The following TM9SF3 variants were observed in gnomAD, a reference collection of about 807,000 sequenced individuals.
The protein encoded by TM9SF3 is SM-11044-binding protein.
TM9SF3 carries 14 observed loss-of-function variants against 78.6 expected under a neutral mutation model. The ratio of observed to expected loss-of-function variants is 0.18; its 90% CI spans 0.12 to 0.28. The LOEUF (loss-of-function observed/expected upper bound fraction) is 0.28. Among genes scored for constraint, TM9SF3 ranks in the 10% least tolerant of loss-of-function variants. The pLI, the probability that TM9SF3 is intolerant of heterozygous loss-of-function variation, is 1.00. For missense variants in TM9SF3, 496 were observed against 721.9 expected, an observed-to-expected ratio of 0.69 and a Z score of 3.59; for synonymous variants, 231 against 241.7, an observed-to-expected ratio of 0.96 and a Z score of 0.41.
intron 5 of TM9SF3, among the ~76,000 whole-genome samples, chr10:96,554,746 C>T (rs1230845695): frequency 6.6e-6 from 1 of 152,130 alleles, no homozygotes; most frequent in African/African-American, 2.4e-5. Context: ...ATAATTTCCA[C>T]TTGAATGTTT....
At chr10:96,553,810 T>C (rs530874956) in intron 5 of TM9SF3, among the ~76,000 whole-genome samples, 2 of 152,354 alleles carry the variant, frequency 1.3e-5, no homozygotes, top group East Asian at 3.9e-4. Context: ...AGATTCTGAT[T>C]CATAATCACA....
chr10:96,536,839 G>T (rs1847966019), intron 9 of TM9SF3, among the ~76,000 whole-genome samples: 1 of 152,194 alleles, frequency 6.6e-6, no homozygotes, highest in South Asian at 2.1e-4. Context: ...AGGCTGAAAT[G>T]CAGTGGCTAT....
chr10:96,563,781 G>A (rs908890426), intron 3 of TM9SF3, among the ~76,000 whole-genome samples: 4 of 151,504 alleles, frequency 2.6e-5, no homozygotes, highest in Admixed American at 1.3e-4. Context: ...TCTAAAAGGC[G>A]TTAAAAGACT....
rs1415123967 is a variant in TM9SF3, at chr10:96,560,144, C to T, written c.583-408G>A. On this transcript the variant is annotated intron_variant, in intron 4 of 14. Coordinates refer to ENST00000371142, the MANE Select transcript of TM9SF3 (RefSeq NM_020123.4). ...TCTCTTGAGCAGAAGTCATTTATCT[C>T]CGTCTGCCTTCTTTCCCACCTAAAT... The T allele has an allele frequency of 4.1e-6, 3 of 737,804 alleles. No individual in the cohort carries two copies. In the East Asian group the frequency reaches 7.8e-5, roughly 19 times the overall value. 45.7% of individuals were successfully genotyped at this position (737,804 alleles called of 1,614,324 possible).
chr10:96,563,830 G>GTT (rs1290074346), intron 3 of TM9SF3, among the ~76,000 whole-genome samples: 3 of 146,708 alleles, frequency 2.0e-5, no homozygotes, highest in African/African-American at 2.5e-5. Context: ...GTACAAAGTT[G>GTT]TTTTTTTTTT....
chr10:96,565,083 T>C (rs1202486936), intron 3 of TM9SF3, among the ~76,000 whole-genome samples: 2 of 152,244 alleles, frequency 1.3e-5, no homozygotes, highest in Admixed American at 6.5e-5. Context: ...AGTTATACTA[T>C]AAAAAAGTTA....
At chr10:96,531,636 T>C (rs969536239) in intron 10 of TM9SF3, among the ~76,000 whole-genome samples, 1 of 152,186 alleles carries the variant, frequency 6.6e-6, no homozygotes, top group African/African-American at 2.4e-5. Context: ...TTAAAAGTGA[T>C]CTGCCCAAGG....
intron 4 of TM9SF3, 26 bp from the exon 5 acceptor site, chr10:96,559,762 A>G: frequency 1.4e-6 from 2 of 1,401,680 alleles, no homozygotes; most frequent in Non-Finnish European, 2.0e-6. Flanking sequence ...TCATTTGAAA[A>G]TAAAGGCCAG....
chr10:96,551,499 T>C, intron 6 of TM9SF3, 88 bp from the exon 7 acceptor site: 2 of 980,406 alleles, frequency 2.0e-6, no homozygotes, highest in Admixed American at 6.0e-5. Context: ...AGTTGTAAGT[T>C]TCCTCCCTCC....
In TM9SF3 at chr10:96,521,928, C is replaced by G; in HGVS notation, c.*335G>C. Reference sequence around the variant, plus strand: ...TTTCCCTCTATTTATTTTATTGGAACAAATGCTTTAAATAAACTATTTGTC... The same window carrying G: ...TTTCCCTCTATTTATTTTATTGGAAGAAATGCTTTAAATAAACTATTTGTC... On this transcript the variant is annotated 3_prime_UTR_variant, in exon 15 of 15. Transcript: ENST00000371142. 5.0e-6 allele frequency: 1 copy of G among 200,338 alleles called. No individual in the cohort carries two copies. Among genetic ancestry groups the G allele is most frequent in the East Asian group, 1.4e-4 (1 of 7,354 alleles). The allele number at this position is 200,338 out of a possible 1,614,324, so 12.4% of individuals were successfully genotyped here.
Position 96,522,217 on chromosome 10 carries a change from C to G in TM9SF3, c.*46G>C. ...TTGTTTTTGCTGTGCAAGTTCCACC[C>G]CTATGAAAAAGAAATTGATCCAAAG... On this transcript the variant is annotated 3_prime_UTR_variant, in exon 15 of 15. Coordinates refer to ENST00000371142, the MANE Select transcript of TM9SF3 (RefSeq NM_020123.4). 6.6e-7 allele frequency: 1 copy of G among 1,523,598 alleles called. No homozygotes were observed. The highest frequency in any genetic ancestry group is 9.0e-7 in the Non-Finnish European group (1 of 1,112,450). The allele number at this position is 1,523,598 out of a possible 1,614,324, so 94.4% of individuals were successfully genotyped here.
chr10:96,525,386 T>C (rs943460297), intron 14 of TM9SF3, among the ~76,000 whole-genome samples: 4 of 152,048 alleles, frequency 2.6e-5, no homozygotes, highest in Non-Finnish European at 5.9e-5. Context: ...GACTATAACA[T>C]AGAGAATGAT....
rs995956042 is a variant in TM9SF3, at chr10:96,519,623, A to G, written c.*2640T>C. On this transcript the variant is annotated 3_prime_UTR_variant, in exon 15 of 15. Transcript: ENST00000371142. ...CCAAAGTGTGAGTTGAAAGAAATTA[A>G]GCAAATAATGTTAACAAACGAAAGA... 6 of 152,126 alleles carry G rather than the reference A, an allele frequency of 3.9e-5. No individual in the cohort carries two copies. The highest frequency in any genetic ancestry group is 9.6e-5 in the African/African-American group (4 of 41,564). 9.4% of individuals were successfully genotyped at this position (152,126 alleles called of 1,614,324 possible).
In TM9SF3 at chr10:96,577,731, T is replaced by C. The variant is rs139713191; in HGVS notation, c.103-902A>G. ...ACAATTATTTACTAAGTGCTTAGCA[T>C]GTGAAACAACTGTGTTTATAACTGA... is the stretch of plus-strand genomic sequence containing the variant. On this transcript the variant is annotated intron_variant, in intron 1 of 14. Transcript: ENST00000371142. 4.6e-5 allele frequency among the ~76,000 whole-genome samples: 7 copies of C among 152,330 alleles called. No individual in the cohort carries two copies. In the East Asian group the frequency reaches 1.2e-3, roughly 25 times the overall value.
At chr10:96,586,633 G>C (rs911151074) in intron 1 of TM9SF3, 101 bp downstream of exon 1, 2 of 1,008,804 alleles carry the variant, frequency 2.0e-6, no homozygotes, top group Non-Finnish European at 2.5e-6. Flanking sequence ...GCCGCAGTGG[G>C]GCACCACCGG....
chr10:96,569,659 T>C (rs544867181), intron 2 of TM9SF3, among the ~76,000 whole-genome samples: 2 of 152,278 alleles, frequency 1.3e-5, no homozygotes, highest in Non-Finnish European at 2.9e-5. Context: ...TTCAGAGATG[T>C]ACTGAAATAC....
intron 9 of TM9SF3, among the ~76,000 whole-genome samples, chr10:96,542,797 T>C (rs781753587): frequency 2.0e-5 from 3 of 152,116 alleles, no homozygotes; most frequent in Non-Finnish European, 4.4e-5. Flanking sequence ...AAAAAAAAAT[T>C]TCCATTCTGA....
intron 3 of TM9SF3, among the ~76,000 whole-genome samples, chr10:96,563,620 C>T (rs1012065125): frequency 2.0e-5 from 3 of 152,162 alleles, no homozygotes; most frequent in South Asian, 2.1e-4. Flanking sequence ...CCAAGTGATC[C>T]GCCCACCTTG....
At chr10:96,537,401 G>A (rs1320755176) in intron 9 of TM9SF3, among the ~76,000 whole-genome samples, 1 of 152,156 alleles carries the variant, frequency 6.6e-6, no homozygotes, top group Non-Finnish European at 1.5e-5. Context: ...TTTGTAGGAG[G>A]CTATACCATC....
Sources: gnomAD v4.1 joint callset for allele counts (sites outside exome capture counted in the v4.1 genomes callset) on GRCh38, gnomAD v4.1.1 for gene constraint, MANE v1.5 for transcripts, NCBI Gene and HGNC (gene_info 2026-07-23, HGNC 2026-07-21) for gene names.